The following THSD7B variants were observed in gnomAD, a reference collection of about 807,000 sequenced individuals.
The protein encoded by THSD7B is thrombospondin type-1 domain-containing protein 7B.
In THSD7B, 138 loss-of-function variants were observed where a neutral mutation model predicts 213.6. That is an observed-to-expected ratio of 0.65 (90% CI 0.56 to 0.74). The LOEUF (loss-of-function observed/expected upper bound fraction) is 0.74. Ranked by LOEUF, THSD7B falls within the 30% of genes least tolerant of loss-of-function variation. THSD7B has a pLI of 0.00. For synonymous variants in THSD7B, 742 were observed against 687.0 expected (o/e 1.08, Z -1.25); for missense variants, 1,931 against 1,991.5 (o/e 0.97, Z 0.58).
At chr2:137,656,246 G>T (rs1315151560) in intron 22 of THSD7B, among the ~76,000 whole-genome samples, 1 of 151,986 alleles carries the variant, frequency 6.6e-6, no homozygotes, top group Non-Finnish European at 1.5e-5. Flanking sequence ...TATAACATAT[G>T]TGTATGTATG....
At chr2:137,277,751 G>T (rs972222970) in intron 12 of THSD7B, among the ~76,000 whole-genome samples, 2 of 152,066 alleles carry the variant, frequency 1.3e-5, no homozygotes, top group Admixed American at 1.3e-4. Context: ...GGGAGCTGGA[G>T]AGAAATAAAA....
intron 12 of THSD7B, among the ~76,000 whole-genome samples, chr2:137,380,638 A>T (rs781264203): frequency 1.3e-5 from 2 of 152,182 alleles, no homozygotes; most frequent in Non-Finnish European, 2.9e-5. Flanking sequence ...GAAGCTGAAA[A>T]GGGTGAGATA....
intron 15 of THSD7B, among the ~76,000 whole-genome samples, chr2:137,533,262 C>A (rs1020888590): frequency 6.6e-6 from 1 of 151,708 alleles, no homozygotes; most frequent in Non-Finnish European, 1.5e-5. Context: ...TTCTCTATAA[C>A]GTGCCTCTCC....
chr2:137,566,782 GA>G (rs376672098), intron 16 of THSD7B, among the ~76,000 whole-genome samples: 1 of 151,286 alleles, frequency 6.6e-6, no homozygotes, highest in East Asian at 2.0e-4. Context: ...TAGCAGTAGA[GA>G]AAAAAATGAA....
At chr2:137,315,114 C>T (rs376169770) in intron 12 of THSD7B, among the ~76,000 whole-genome samples, 94 of 152,266 alleles carry the variant, frequency 6.2e-4, no homozygotes, top group Middle Eastern at 3.4e-3. Flanking sequence ...GCCTCGCTGC[C>T]GCCTTGCAGT....
At chr2:137,660,222 T>C (rs1683317287) in intron 25 of THSD7B, among the ~76,000 whole-genome samples, 2 of 151,628 alleles carry the variant, frequency 1.3e-5, no homozygotes, top group African/African-American at 4.9e-5. Context: ...GTTATGCATG[T>C]ATTTTTTTTT....
At chr2:137,166,193 G>T (rs886506412) in intron 6 of THSD7B, among the ~76,000 whole-genome samples, 1 of 152,054 alleles carries the variant, frequency 6.6e-6, no homozygotes, top group Admixed American at 6.6e-5. Context: ...ACCATGATCG[G>T]CAGGTTGGTG....
At chr2:136,921,259 T>G (rs567375) in intron 2 of THSD7B, among the ~76,000 whole-genome samples, 3 of 150,236 alleles carry the variant, frequency 2.0e-5, no homozygotes, top group Non-Finnish European at 4.4e-5. Context: ...AGGCCCCTTA[T>G]TCTGCTTATA....
chr2:136,970,944 T>C (rs1471030775), intron 2 of THSD7B, among the ~76,000 whole-genome samples: 8 of 152,208 alleles, frequency 5.3e-5, no homozygotes, highest in Admixed American at 5.2e-4. Flanking sequence ...ATCTTAAACA[T>C]ACAATAAAGC....
At chr2:137,310,262 G>A (rs1413996414) in intron 12 of THSD7B, among the ~76,000 whole-genome samples, 8 of 151,064 alleles carry the variant, frequency 5.3e-5, no homozygotes, top group Non-Finnish European at 1.0e-4. Flanking sequence ...CAGTGATGGT[G>A]AGCATTTTTT....
chr2:137,387,514 A>C (rs1054681062), intron 12 of THSD7B, among the ~76,000 whole-genome samples: 5 of 152,212 alleles, frequency 3.3e-5, no homozygotes, highest in Non-Finnish European at 7.3e-5. Context: ...TTAAGCATTA[A>C]ATTGTCCCTC....
chr2:137,671,632 ACTCG>A (rs1382457311), intron 27 of THSD7B, among the ~76,000 whole-genome samples: 1 of 151,862 alleles, frequency 6.6e-6, no homozygotes, highest in East Asian at 1.9e-4. Context: ...TTGACAACTC[ACTCG>A]CTATCATGAG....
chr2:137,636,740 G>A (rs1682840081), intron 20 of THSD7B, among the ~76,000 whole-genome samples: 1 of 152,130 alleles, frequency 6.6e-6, no homozygotes, highest in South Asian at 2.1e-4. Flanking sequence ...TAAAGTACTT[G>A]TATGTAGTCA....
chr2:137,598,751 C>T (rs1682014718), intron 17 of THSD7B, among the ~76,000 whole-genome samples: 1 of 152,050 alleles, frequency 6.6e-6, no homozygotes, highest in Admixed American at 6.6e-5. Flanking sequence ...TCTATCTAGG[C>T]CAAGCTTGTA....
At chr2:136,895,446 A>G (rs116699947) in intron 2 of THSD7B, among the ~76,000 whole-genome samples, 1 of 149,330 alleles carries the variant, frequency 6.7e-6, no homozygotes, top group Non-Finnish European at 1.5e-5. Flanking sequence ...TTTTAATACC[A>G]TGTAAATGGG....
chr2:136,950,333 G>C (rs1244200850), intron 2 of THSD7B, among the ~76,000 whole-genome samples: 1 of 152,036 alleles, frequency 6.6e-6, no homozygotes, highest in East Asian at 1.9e-4. Context: ...ACACACCCTA[G>C]ATGACAGGTT....
intron 12 of THSD7B, among the ~76,000 whole-genome samples, chr2:137,288,987 C>T (rs1429954223): frequency 1.3e-5 from 2 of 151,980 alleles, no homozygotes; most frequent in African/African-American, 2.4e-5. Flanking sequence ...CTTGAGTGAA[C>T]TTGGTTGAAC....
chr2:137,164,081 G>A (rs1412089922), intron 6 of THSD7B, among the ~76,000 whole-genome samples: 1 of 152,100 alleles, frequency 6.6e-6, no homozygotes, highest in Non-Finnish European at 1.5e-5. Context: ...AGCAGATGCA[G>A]GAGACAAGTT....
chr2:137,037,501 G>A (rs1468215214), intron 2 of THSD7B, among the ~76,000 whole-genome samples: 1 of 91,038 alleles, frequency 1.1e-5, no homozygotes. Context: ...TATGAATCTA[G>A]TATATTTTTC....
Sources: gnomAD v4.1 joint callset for allele counts (sites outside exome capture counted in the v4.1 genomes callset) on GRCh38, gnomAD v4.1.1 for gene constraint, MANE v1.5 for transcripts, NCBI Gene and HGNC (gene_info 2026-07-23, HGNC 2026-07-21) for gene names.